Variants in GTF2E2 observed in about 807,000 individuals in gnomAD.
GTF2E2 encodes the protein general transcription factor IIE subunit 2, also known as transcription initiation factor IIE subunit beta.
GTF2E2 carries 21 observed loss-of-function variants against 40.5 expected under a neutral mutation model. That is an observed-to-expected ratio of 0.52 (90% CI 0.37 to 0.75). GTF2E2 has a LOEUF of 0.75. GTF2E2 is among the 30% of genes least tolerant of loss of function. The pLI is 0.00. For synonymous variants in GTF2E2, 117 were observed against 121.6 expected (o/e 0.96, Z 0.25); for missense variants, 298 against 338.4 (o/e 0.88, Z 0.94).
At chr8:30,628,689 T>C (rs1291287310) in intron 3 of GTF2E2, among the ~76,000 whole-genome samples, 1 of 152,212 alleles carries the variant, frequency 6.6e-6, no homozygotes, top group Non-Finnish European at 1.5e-5. Context: ...CCCAGCATTT[T>C]GAGAGGCCGA....
In GTF2E2 at chr8:30,597,841, A is replaced by G. The variant is rs143586463; in HGVS notation, c.643+9216T>C. On this transcript the variant is annotated intron_variant, in intron 6 of 7. Transcript: ENST00000355904. ...GTGGCTAGCTTTGCTCACTATAGGCATATATGAAAGAAAATAATTTCAGGT... is the reference window on the plus strand; with the variant it reads ...GTGGCTAGCTTTGCTCACTATAGGCGTATATGAAAGAAAATAATTTCAGGT... Among the ~76,000 whole-genome samples the G allele has an allele frequency of 8.2e-3, 1,245 of 152,340 alleles. 29 individuals are homozygous for G. Among genetic ancestry groups the G allele is most frequent in the Non-Finnish European group, 8.5e-3 (578 of 68,038 alleles).
At chr8:30,602,925 C>T (rs1349721111) in intron 6 of GTF2E2, among the ~76,000 whole-genome samples, 1 of 152,160 alleles carries the variant, frequency 6.6e-6, no homozygotes, top group African/African-American at 2.4e-5. Flanking sequence ...GCTAGCTCCA[C>T]CCCATTTTTC....
intron 3 of GTF2E2, among the ~76,000 whole-genome samples, chr8:30,616,998 G>C (rs996993746): frequency 1.3e-5 from 2 of 152,080 alleles, no homozygotes; most frequent in Non-Finnish European, 2.9e-5. Context: ...AAGCACAAGA[G>C]GGGAGAAAAT....
chr8:30,657,212 C>T (rs915107842), intron 1 of GTF2E2, among the ~76,000 whole-genome samples: 1 of 152,022 alleles, frequency 6.6e-6, no homozygotes, highest in African/African-American at 2.4e-5. Context: ...GATCTCTGGA[C>T]CCCCCTATGG....
intron 2 of GTF2E2, among the ~76,000 whole-genome samples, chr8:30,636,301 AAGAG>A (rs1043023189): frequency 2.6e-5 from 4 of 152,202 alleles, no homozygotes; most frequent in Non-Finnish European, 5.9e-5. Context: ...CTGATCCACA[AAGAG>A]AGAGGTTAAG....
At chr8:30,627,508 C>T (rs915415648) in intron 3 of GTF2E2, among the ~76,000 whole-genome samples, 3 of 146,174 alleles carry the variant, frequency 2.1e-5, no homozygotes, top group African/African-American at 7.6e-5. Flanking sequence ...GTACTAGCAG[C>T]AAAAATCCTC....
At chr8:30,588,872 T>A (rs1024450429) in intron 6 of GTF2E2, among the ~76,000 whole-genome samples, 1 of 152,216 alleles carries the variant, frequency 6.6e-6, no homozygotes, top group African/African-American at 2.4e-5. Context: ...AATACGTTTG[T>A]GTTGTTTTAA....
At chr8:30,642,915 T>C (rs1424090465) in intron 2 of GTF2E2, among the ~76,000 whole-genome samples, 1 of 152,198 alleles carries the variant, frequency 6.6e-6, no homozygotes, top group East Asian at 1.9e-4. Context: ...CCTGAAAATA[T>C]TTTAAGCAGT....
Position 30,658,208 on chromosome 8 carries a change from A to G in GTF2E2, c.-240T>C, listed in dbSNP as rs540017045. 1.1e-5 allele frequency: 2 copies of G among 183,014 alleles called. No individual in the cohort carries two copies. Among genetic ancestry groups the G allele is most frequent in the East Asian group, 3.6e-4 (2 of 5,602 alleles). The allele number at this position is 183,014 out of a possible 1,614,324, so 11.3% of individuals were successfully genotyped here. On this transcript the variant is annotated 5_prime_UTR_variant, in exon 1 of 8. Transcript: ENST00000355904. ...GACTGGACCCGGGACTCCGCCCGCC[A>G]CTTCCCGATCGGGTGCTAGGAGCTC...
intron 3 of GTF2E2, among the ~76,000 whole-genome samples, chr8:30,621,667 A>C (rs1801106966): frequency 6.6e-6 from 1 of 152,036 alleles, no homozygotes; most frequent in Admixed American, 6.6e-5. Flanking sequence ...AATTTGTAGA[A>C]ATTGATTTTT....
chr8:30,612,222 A>G (rs1178087762), intron 5 of GTF2E2, 77 bp downstream of exon 5: 4 of 926,736 alleles, frequency 4.3e-6, no homozygotes, highest in Non-Finnish European at 6.7e-6. Context: ...CAATTGTAAA[A>G]TGTTTGATAT....
intron 6 of GTF2E2, among the ~76,000 whole-genome samples, chr8:30,581,179 AG>A (rs1828506165): frequency 6.6e-6 from 1 of 152,224 alleles, no homozygotes; most frequent in Admixed American, 6.5e-5. Flanking sequence ...TTACACGCTC[AG>A]GAACGAAAAA....
intron 2 of GTF2E2, among the ~76,000 whole-genome samples, chr8:30,647,567 G>A (rs571423943): frequency 1.3e-5 from 2 of 152,314 alleles, no homozygotes; most frequent in Admixed American, 1.3e-4. Context: ...AACAACAAGA[G>A]TGAAACTCCG....
chr8:30,597,576 T>C (rs1437218440), intron 6 of GTF2E2: 1 of 152,224 alleles, frequency 6.6e-6, no homozygotes, highest in African/African-American at 2.4e-5. Context: ...GGTAAACAAG[T>C]GCTCAGGTCT....
In GTF2E2 at chr8:30,658,077, G is replaced by C. The variant is rs969602705; in HGVS notation, c.-109C>G. ...TGCACCCTCTTCCTGCTTCTCGTCA[G>C]CGCCCCCGCCTGCCCGCACGCACGC... On this transcript the variant is annotated 5_prime_UTR_variant, in exon 1 of 8. Coordinates refer to ENST00000355904, the MANE Select transcript of GTF2E2 (RefSeq NM_002095.6). The C allele has an allele frequency of 6.2e-6, 1 of 160,442 alleles. No individual in the cohort carries two copies. The highest frequency in any genetic ancestry group is 1.9e-4 in the East Asian group (1 of 5,308). The allele number at this position is 160,442 out of a possible 1,614,324, so 9.9% of individuals were successfully genotyped here.
At chr8:30,644,743 T>C (rs1168115143) in intron 2 of GTF2E2, among the ~76,000 whole-genome samples, 1 of 118,202 alleles carries the variant, frequency 8.5e-6, no homozygotes, top group East Asian at 2.6e-4. Context: ...TTAATTTCGG[T>C]ATATGAATTT....
chr8:30,598,089 T>C (rs993541460), intron 6 of GTF2E2, among the ~76,000 whole-genome samples: 1 of 152,238 alleles, frequency 6.6e-6, no homozygotes, highest in African/African-American at 2.4e-5. Flanking sequence ...TTCTTTAGAA[T>C]ATGTATTACA....
At chr8:30,630,739 C>A (rs889588194) in intron 3 of GTF2E2, among the ~76,000 whole-genome samples, 2 of 152,130 alleles carry the variant, frequency 1.3e-5, no homozygotes, top group Non-Finnish European at 2.9e-5. Flanking sequence ...GGGAAGCATT[C>A]GTGAATGGTA....
chr8:30,613,676 G>A (rs17636280), intron 4 of GTF2E2, among the ~76,000 whole-genome samples: 53,675 of 152,010 alleles, frequency 0.35, 10,473 homozygotes, highest in South Asian at 0.55. Flanking sequence ...CTGATTAATG[G>A]TCATGTTACA....
Sources: gnomAD v4.1 joint callset for allele counts (sites outside exome capture counted in the v4.1 genomes callset) on GRCh38, gnomAD v4.1.1 for gene constraint, MANE v1.5 for transcripts, NCBI Gene and HGNC (gene_info 2026-07-23, HGNC 2026-07-21) for gene names.